Variants in RAC1 observed in about 807,000 individuals in gnomAD.
RAC1 encodes the protein ras-related C3 botulinum toxin substrate 1.
In RAC1, 2 loss-of-function variants were observed where a neutral mutation model predicts 25.2. The observed-to-expected ratio is 0.08, with a 90% CI of 0.03 to 0.25. The LOEUF is 0.25. RAC1 is among the 10% of genes least tolerant of loss of function. RAC1 has a pLI of 1.00. For missense variants in RAC1, 50 were observed against 235.7 expected (o/e 0.21, Z 5.16); for synonymous variants, 88 against 94.0 (o/e 0.94, Z 0.37).
rs1782527194 is a variant in RAC1, at chr7:6,374,663, C to T, written c.-73C>T. 5 of 1,007,384 alleles carry T rather than the reference C, an allele frequency of 5.0e-6. No homozygotes were observed. In the African/African-American group the frequency reaches 8.7e-5, roughly 17 times the overall value. 62.4% of individuals were successfully genotyped at this position (1,007,384 alleles called of 1,614,324 possible). On this transcript the variant is annotated 5_prime_UTR_variant, in exon 1 of 6. Transcript: ENST00000348035. ...GCCGCCCGCAAGCCGCGCGCCCGTC[C>T]GCCGCGCCCCGAGCCCGCCGCTTCC...
chr7:6,396,686 TGAA>T (rs1783244474), intron 3 of RAC1, among the ~76,000 whole-genome samples: 2 of 152,252 alleles, frequency 1.3e-5, no homozygotes, highest in Non-Finnish European at 2.9e-5. Flanking sequence ...AGCCCATAGA[TGAA>T]ACCCAGATAG....
Position 6,402,643 on chromosome 7 carries a change from A to C in RAC1, c.*197A>C, listed in dbSNP as rs1287605486. ...GTAATTTTAAGGTTTTGTTTGTTCT[A>C]AATGTAAGAGTTCAGACTCACATTC... On this transcript the variant is annotated 3_prime_UTR_variant, in exon 6 of 6. Coordinates refer to ENST00000348035, the MANE Select transcript of RAC1 (RefSeq NM_006908.5). 4 of 504,734 alleles carry C rather than the reference A, an allele frequency of 7.9e-6. No individual in the cohort carries two copies. The highest frequency in any genetic ancestry group is 1.3e-5 in the Non-Finnish European group (4 of 312,922). 31.3% of individuals were successfully genotyped at this position (504,734 alleles called of 1,614,324 possible).
intron 1 of RAC1, among the ~76,000 whole-genome samples, chr7:6,380,540 C>T (rs1782735370): frequency 6.6e-6 from 1 of 152,160 alleles, no homozygotes; most frequent in Non-Finnish European, 1.5e-5. Context: ...CTTAGTACTG[C>T]CTACTTTTTC....
rs1402851907 is a variant in RAC1 at position 6,403,755 on chromosome 7, G to C, written c.*1309G>C. 1 of 209,690 alleles carries C rather than the reference G, an allele frequency of 4.8e-6. No homozygotes were observed. The highest frequency in any genetic ancestry group is 1.9e-4 in the South Asian group (1 of 5,344). The allele number at this position is 209,690 out of a possible 1,614,324, so 13.0% of individuals were successfully genotyped here. A position where few individuals can be genotyped will look rare whatever the true frequency, so the allele number is the denominator to read the frequency against. ...TCGCTTTGCCTATTGATGTTCCTTT[G>C]GGTCTGTGAGGTTCTGTAAACTGTG... On this transcript the variant is annotated 3_prime_UTR_variant, in exon 6 of 6. Coordinates refer to ENST00000348035, the MANE Select transcript of RAC1 (RefSeq NM_006908.5).
At chr7:6,398,231 G>GA (rs35188249) in intron 3 of RAC1, among the ~76,000 whole-genome samples, 31 of 152,288 alleles carry the variant, frequency 2.0e-4, no homozygotes, top group African/African-American at 7.2e-4. Context: ...ATCATTTACA[G>GA]ACGGGTCCTT....
intron 3 of RAC1, among the ~76,000 whole-genome samples, chr7:6,398,115 G>A (rs374565422): frequency 2.6e-5 from 4 of 152,192 alleles, no homozygotes; most frequent in African/African-American, 9.7e-5. Flanking sequence ...CAGTCTCCCA[G>A]AACTAGGTGG....
intron 1 of RAC1, among the ~76,000 whole-genome samples, chr7:6,378,644 T>C (rs7784465): frequency 0.15 from 22,565 of 152,190 alleles, 1,902 homozygotes; most frequent in Admixed American, 0.23. Context: ...CCAAGAAATA[T>C]TACATAGGGT....
At position 6,381,390 on chromosome 7, in the gene RAC1, C is replaced by CT. The variant is rs71008386; in HGVS notation, c.36-5805dup. ...AGCTTCTAGTGGTAATAATTGCTGGCTTTTTTTTTTTTTTTTTGGTAGAAA... is the reference window on the plus strand; with the variant it reads ...AGCTTCTAGTGGTAATAATTGCTGGCTTTTTTTTTTTTTTTTTTGGTAGAAA... On this transcript the variant is annotated intron_variant, in intron 1 of 5. Transcript: ENST00000348035. Among the ~76,000 whole-genome samples, 617 of 132,250 alleles carry CT rather than the reference C, an allele frequency of 4.7e-3. 5 individuals carry two copies. The highest frequency in any genetic ancestry group is 8.2e-3 in the Middle Eastern group (2 of 244). 86.8% of individuals were successfully genotyped at this position (132,250 alleles called of 152,430 possible). A position where few individuals can be genotyped will look rare whatever the true frequency, so the allele number is the denominator to read the frequency against.
At position 6,396,095 on chromosome 7, in the gene RAC1, G is replaced by A. The variant is rs190673975; in HGVS notation, c.226-4031G>A. Among the ~76,000 whole-genome samples, 146 of 152,290 alleles carry A rather than the reference G, an allele frequency of 9.6e-4. 2 individuals carry two copies. The highest frequency in any genetic ancestry group is 2.6e-4 in the Admixed American group (4 of 15,282). On this transcript the variant is annotated intron_variant, in intron 3 of 5. Transcript: ENST00000348035. Reference sequence around the variant, plus strand: ...AAGGCACCACGTGTGTAACAGGCACGCGGGAGTCTGGGTTAGTCAGAAAGG... The same window carrying A: ...AAGGCACCACGTGTGTAACAGGCACACGGGAGTCTGGGTTAGTCAGAAAGG...
intron 2 of RAC1, chr7:6,391,529 G>C (rs1783092673): frequency 4.5e-6 from 1 of 222,134 alleles, no homozygotes; most frequent in Non-Finnish European, 9.0e-6. Flanking sequence ...CTAGTGGCCA[G>C]CTAGCTCTCT....
At chr7:6,382,855 A>C (rs1048018621) in intron 1 of RAC1, among the ~76,000 whole-genome samples, 4 of 152,272 alleles carry the variant, frequency 2.6e-5, no homozygotes, top group Non-Finnish European at 5.9e-5. Context: ...CCTGGAAGAC[A>C]GAGCCAAGAC....
At chr7:6,385,684 G>A (rs1279350987) in intron 1 of RAC1, among the ~76,000 whole-genome samples, 1 of 152,212 alleles carries the variant, frequency 6.6e-6, no homozygotes, top group African/African-American at 2.4e-5. Context: ...ATGAGTGAAT[G>A]AATATTGGCA....
intron 2 of RAC1, chr7:6,391,402 T>G (rs980807146): frequency 1.3e-5 from 2 of 153,864 alleles, no homozygotes; most frequent in African/African-American, 4.8e-5. Context: ...AATTTAAACA[T>G]TTGTATCATC....
In RAC1 at chr7:6,400,205, A is replaced by G; in HGVS notation, c.288+17A>G. ...CGTGCAAAGGTAGGTGGGGATTTAA[A>G]ATGTGTATGTAAGTTATAGAATGAT... On this transcript the variant is annotated intron_variant, in intron 4 of 5. Transcript: ENST00000348035. 6.3e-7 allele frequency: 1 copy of G among 1,582,540 alleles called. No individual in the cohort carries two copies. Among genetic ancestry groups the G allele is most frequent in the Non-Finnish European group, 8.7e-7 (1 of 1,152,828 alleles).
intron 1 of RAC1, among the ~76,000 whole-genome samples, chr7:6,376,153 T>A (rs1782585740): frequency 7.0e-6 from 1 of 143,050 alleles, no homozygotes. Flanking sequence ...TGAAGGAGTA[T>A]TAGAGTATGT....
At chr7:6,387,981 C>A (rs973038532) in intron 2 of RAC1, among the ~76,000 whole-genome samples, 1 of 152,068 alleles carries the variant, frequency 6.6e-6, no homozygotes, top group African/African-American at 2.4e-5. Context: ...TTTTAATTGG[C>A]CTTTTCTGAT....
intron 1 of RAC1, among the ~76,000 whole-genome samples, chr7:6,383,782 A>ATTTTT (rs1583260315): frequency 4.0e-5 from 2 of 50,282 alleles, no homozygotes; most frequent in East Asian, 9.5e-4. Flanking sequence ...CACAACCTTT[A>ATTTTT]TCTTTTTTTT....
chr7:6,401,352 C>T (rs982164556), intron 4 of RAC1, among the ~76,000 whole-genome samples: 6 of 152,092 alleles, frequency 3.9e-5, no homozygotes, highest in East Asian at 1.9e-4. Context: ...ATAAAAATAA[C>T]GACCATTTCT....
At chr7:6,377,861 T>C (rs773812379) in intron 1 of RAC1, among the ~76,000 whole-genome samples, 1 of 152,172 alleles carries the variant, frequency 6.6e-6, no homozygotes, top group Non-Finnish European at 1.5e-5. Context: ...GCCAAGATTG[T>C]ACCATTGCAC....
Sources: gnomAD v4.1 joint callset for allele counts (sites outside exome capture counted in the v4.1 genomes callset) on GRCh38, gnomAD v4.1.1 for gene constraint, MANE v1.5 for transcripts, NCBI Gene and HGNC (gene_info 2026-07-23, HGNC 2026-07-21) for gene names.